The following GLYATL1 variants were observed in gnomAD, a reference collection of about 807,000 sequenced individuals.
GLYATL1 encodes glycine-N-acyltransferase like 1.
GLYATL1 carries 15 observed loss-of-function variants against 20.0 expected under a neutral mutation model. The observed-to-expected ratio is 0.75, with a 90% confidence interval of 0.50 to 1.15. The LOEUF is 1.15. Among genes scored for constraint, GLYATL1 ranks in the 50% most tolerant of loss-of-function variants. The pLI is 0.00. For synonymous variants in GLYATL1, 151 were observed against 131.5 expected, an observed-to-expected ratio of 1.15 and a Z score of -1.01; for missense variants, 380 against 368.5, an observed-to-expected ratio of 1.03 and a Z score of -0.26.
intron 1 of GLYATL1, among the ~76,000 whole-genome samples, chr11:58,914,260 A>G (rs1319938761): frequency 6.6e-6 from 1 of 152,134 alleles, no homozygotes; most frequent in Non-Finnish European, 1.5e-5. Flanking sequence ...TGTGGCATCC[A>G]TGACACTAAA....
intron 4 of GLYATL1, among the ~76,000 whole-genome samples, chr11:58,948,583 T>C (rs184697277): frequency 1.4e-3 from 214 of 152,224 alleles, no homozygotes; most frequent in Non-Finnish European, 2.7e-3. Context: ...CGAGGTTGCA[T>C]TGAGCCAAGA....
exon 2 of GLYATL1, chr11:58,908,047 T>A (rs1033670404): frequency 2.6e-5 from 4 of 152,608 alleles, no homozygotes; most frequent in Non-Finnish European, 5.9e-5. Context: ...ACTCATGCAT[T>A]GACCAAGCTG....
intron 1 of GLYATL1, among the ~76,000 whole-genome samples, chr11:58,920,452 A>G (rs1855281004): frequency 6.6e-6 from 1 of 152,152 alleles, no homozygotes; most frequent in Non-Finnish European, 1.5e-5. Context: ...CTGCACCTCT[A>G]CTACTGAGTC....
Position 58,932,258 on chromosome 11 carries a change from T to C in GLYATL1, c.-212+4429T>C, listed in dbSNP as rs1855637827. Among the ~76,000 whole-genome samples the C allele has an allele frequency of 3.9e-5, 6 of 151,962 alleles. No homozygotes were observed. In the South Asian group the frequency reaches 1.2e-3, roughly 32 times the overall value. ...ATTACACCCACAGAATTGGCAAACA[T>C]TAAAATATGGATAATACCAAGCTTC... On this transcript the variant is annotated intron_variant, in intron 1 of 7. Coordinates refer to the GLYATL1 transcript ENST00000317391.
chr11:58,954,106 C>A (rs1488562466), intron 4 of GLYATL1, among the ~76,000 whole-genome samples: 1 of 152,162 alleles, frequency 6.6e-6, no homozygotes, highest in Non-Finnish European at 1.5e-5. Flanking sequence ...GGCAAGGTCT[C>A]GTTAGTGTTT....
chr11:58,905,712 GGACC>G, intron 1 of GLYATL1: 1 of 428,146 alleles, frequency 2.3e-6, no homozygotes, highest in Non-Finnish European at 4.7e-6. Context: ...GGGATCGCTG[GGACC>G]GGGATGGGTC....
At chr11:58,932,648 A>G (rs1855654359) in intron 1 of GLYATL1, among the ~76,000 whole-genome samples, 1 of 152,250 alleles carries the variant, frequency 6.6e-6, no homozygotes, top group Non-Finnish European at 1.5e-5. Flanking sequence ...AAGTGGATAG[A>G]GAATTTCATC....
At chr11:58,950,113 CAAA>C (rs56725794) in intron 4 of GLYATL1, among the ~76,000 whole-genome samples, 11 of 75,978 alleles carry the variant, frequency 1.4e-4, no homozygotes, top group Non-Finnish European at 2.3e-4. Context: ...ACTAAAAATA[CAAA>C]AAAAAAAAAA....
downstream of GLYATL1, among the ~76,000 whole-genome samples, chr11:58,911,567 T>C (rs1253521370): frequency 1.3e-5 from 2 of 152,226 alleles, no homozygotes; most frequent in African/African-American, 2.4e-5. Flanking sequence ...TAATGACCAA[T>C]AATTTGAGCA....
chr11:58,912,244 C>T (rs969824998), downstream of GLYATL1, among the ~76,000 whole-genome samples: 3 of 152,164 alleles, frequency 2.0e-5, no homozygotes, highest in African/African-American at 7.2e-5. Flanking sequence ...GCATTACTCT[C>T]TCCAAGGCCA....
intron 1 of GLYATL1, chr11:58,942,530 C>A (rs911711542): frequency 3.3e-5 from 5 of 152,066 alleles, no homozygotes; most frequent in Non-Finnish European, 2.9e-5. Context: ...AAGAATTTTT[C>A]TTTGAACAGG....
chr11:58,906,634 T>A (rs1040297964), intron 1 of GLYATL1, among the ~76,000 whole-genome samples: 12 of 152,114 alleles, frequency 7.9e-5, no homozygotes, highest in African/African-American at 2.9e-4. Flanking sequence ...GCAAGGTGCA[T>A]TTCTCCCCGG....
At chr11:58,947,003 A>C (rs1247224041) in intron 2 of GLYATL1, 43 bp from the exon 3 acceptor site, 2 of 1,431,628 alleles carry the variant, frequency 1.4e-6, no homozygotes, top group African/African-American at 2.8e-5. Context: ...TTTTAAATTC[A>C]TTTGTTTCCT....
At chr11:58,910,718 C>T (rs537409237), downstream of GLYATL1, among the ~76,000 whole-genome samples, 206 of 152,224 alleles carry the variant, frequency 1.4e-3, no homozygotes, top group African/African-American at 4.7e-3. Context: ...TTACAAAAAA[C>T]GATGATAGAA....
intron 5 of GLYATL1, 126 bp downstream of exon 5, chr11:58,955,022 G>A: frequency 4.0e-6 from 5 of 1,265,482 alleles, no homozygotes; most frequent in South Asian, 2.9e-5. Context: ...GACTGGGAGA[G>A]GTGGAGCAAT....
chr11:58,947,879 A>G lies in GLYATL1; in HGVS notation c.100A>G (p.Ile34Val). ...TCAGGTGTATGGCTCTGTGTATCAC[A>G]TCAATCACGGGAACCCCTTCAACAT... is the stretch of plus-strand genomic sequence containing the variant. ...SLKVYGSVYH[I>V]NHGNPFNMEV... Residue 34 changes from isoleucine to valine, a missense_variant, in exon 4 of 7, where the codon ATC becomes GTC. Transcript: ENST00000532726. The G allele has an allele frequency of 6.2e-7, 1 of 1,613,442 alleles. No individual in the cohort carries two copies. The highest frequency in any genetic ancestry group is 2.2e-5 in the East Asian group (1 of 44,860).
chr11:58,912,670 A>G (rs1047768082), downstream of GLYATL1, among the ~76,000 whole-genome samples: 4 of 152,242 alleles, frequency 2.6e-5, no homozygotes, highest in East Asian at 7.7e-4. Flanking sequence ...TGGGAGTCTC[A>G]CCACTGGGAG....
chr11:58,905,496 C>T (rs1417423302), exon 1 of GLYATL1: 1 of 456,196 alleles, frequency 2.2e-6, no homozygotes, highest in Non-Finnish European at 4.4e-6. Flanking sequence ...CAGCTCTCCT[C>T]AGCGCGCTGC....
intron 1 of GLYATL1, among the ~76,000 whole-genome samples, chr11:58,930,507 TA>T (rs1205778859): frequency 6.6e-6 from 1 of 152,190 alleles, no homozygotes; most frequent in Non-Finnish European, 1.5e-5. Context: ...GATTTATAGA[TA>T]AAATATTAGA....
Sources: allele counts gnomAD v4.1 joint callset (sites outside exome capture counted in the v4.1 genomes callset), GRCh38; gene constraint gnomAD v4.1.1; transcripts MANE v1.5; gene names NCBI Gene and HGNC (gene_info 2026-07-23, HGNC 2026-07-21).